ATP7A: variants seen among roughly 807,000 people sequenced by gnomAD.
ATP7A encodes the protein ATPase copper transporting alpha.
A neutral mutation model predicts 83.5 loss-of-function variants in ATP7A; 7 were observed. That is an observed-to-expected ratio of 0.08 (90% CI 0.05 to 0.16). ATP7A has a LOEUF of 0.16. Ranked by LOEUF, ATP7A falls within the 10% of genes least tolerant of loss-of-function variation. The pLI, the probability that ATP7A is intolerant of heterozygous loss-of-function variation, is 1.00. For missense variants in ATP7A, 940 were observed against 1,120.8 expected (o/e 0.84, Z 2.30); for synonymous variants, 354 against 395.2 (o/e 0.90, Z 1.24).
At chrX:78,005,708 A>G (rs1488929008) in intron 6 of ATP7A, among the ~76,000 whole-genome samples, 1 of 102,672 alleles carries the variant, frequency 9.7e-6, no homozygotes, top group Non-Finnish European at 2.0e-5. Context: ...AAAAAAAAAG[A>G]AAAAAAAAGA....
At chrX:77,949,364 T>C (rs2077400994) in intron 1 of ATP7A, among the ~76,000 whole-genome samples, 1 of 111,706 alleles carries the variant, frequency 9.0e-6, no homozygotes, top group Non-Finnish European at 1.9e-5. Flanking sequence ...AGAGTTCTTT[T>C]AGGTTTTTAT....
At chrX:78,033,490 A>G in intron 16 of ATP7A, 115 bp from the exon 17 acceptor site, 3 of 700,302 alleles carry the variant, frequency 4.3e-6, no homozygotes, top group Non-Finnish European at 6.7e-6. Context: ...CAAGTAGGCA[A>G]TATGTGACAA....
intron 1 of ATP7A, among the ~76,000 whole-genome samples, chrX:77,919,595 A>G (rs1212721762): frequency 1.8e-5 from 2 of 112,355 alleles, no homozygotes; most frequent in Admixed American, 9.4e-5. Context: ...GGCTCAAGCA[A>G]TTCTCCTGCC....
intron 14 of ATP7A, among the ~76,000 whole-genome samples, chrX:78,024,380 A>C: frequency 9.0e-6 from 1 of 111,522 alleles, no homozygotes; most frequent in Non-Finnish European, 1.9e-5. Flanking sequence ...TGCTTTGGAC[A>C]GTATGGTAGA....
Position 77,998,663 on chromosome X carries a change from C to A in ATP7A, c.1522C>A (p.Arg508=). The A allele has an allele frequency of 8.3e-7, 1 of 1,211,457 alleles. No homozygotes were observed. The highest frequency in any genetic ancestry group is 1.1e-6 in the Non-Finnish European group (1 of 895,305). The change falls in exon 5 of 23, where the codon CGG becomes AGG. Residue 508 remains arginine, a synonymous_variant. Coordinates refer to ENST00000341514, the MANE Select transcript of ATP7A (RefSeq NM_000052.7). ...CGCTTCCTGTGTAGCAAACATTGAA[C>A]GGAATTTAAGGCGGGAAGAAGGTGA... ...TCASCVANIE[R]NLRREEGIYS...
chrX:77,942,843 CT>C (rs1240146896), intron 1 of ATP7A, among the ~76,000 whole-genome samples: 1 of 111,524 alleles, frequency 9.0e-6, no homozygotes, highest in East Asian at 2.8e-4. Context: ...CAGTCTTGCT[CT>C]GTCACCCAGG....
intron 2 of ATP7A, 82 bp downstream of exon 2, chrX:77,971,843 C>A (rs782435789): frequency 1.3e-4 from 132 of 1,051,709 alleles, no homozygotes; most frequent in Non-Finnish European, 1.7e-4. Flanking sequence ...GAGATAGAAG[C>A]AGACACACTG....
intron 2 of ATP7A, among the ~76,000 whole-genome samples, chrX:77,983,710 T>C (rs781924352): frequency 1.8e-5 from 2 of 111,832 alleles, no homozygotes; most frequent in South Asian, 7.5e-4. Context: ...GGAACTTTTT[T>C]TTTTTTCCGA....
intron 5 of ATP7A, among the ~76,000 whole-genome samples, chrX:78,002,844 A>G (rs1356556520): frequency 9.4e-6 from 1 of 106,891 alleles, no homozygotes; most frequent in African/African-American, 3.5e-5. Flanking sequence ...ACACACACAC[A>G]TAATTGAAAA....
chrX:77,952,724 T>C (rs1166962954), intron 1 of ATP7A, among the ~76,000 whole-genome samples: 3 of 111,546 alleles, frequency 2.7e-5, no homozygotes, highest in Admixed American at 9.6e-5. Context: ...CAAACTTTTA[T>C]TGTTTTCTTG....
intron 14 of ATP7A, 116 bp downstream of exon 14, chrX:78,021,195 G>C: frequency 1.2e-6 from 1 of 818,514 alleles, no homozygotes; most frequent in Non-Finnish European, 1.7e-6. Context: ...GTTTGGAGTG[G>C]GAGAGTGATA....
chrX:78,032,538 A>G (rs1234620721), intron 16 of ATP7A, among the ~76,000 whole-genome samples: 4 of 111,962 alleles, frequency 3.6e-5, no homozygotes, highest in Admixed American at 9.5e-5. Flanking sequence ...TATTTACTTG[A>G]TGGTTTGCTT....
rs1474933295 is a variant in ATP7A at position 78,045,685 on chromosome X, G to A, written c.4226+113G>A. The A allele has an allele frequency of 2.4e-5, 19 of 792,891 alleles. No homozygotes were observed. The Middle Eastern group carries it at 9.9e-4, about 41-fold the overall frequency. The allele number at this position is 792,891 out of a possible 1,213,427, so 65.3% of individuals were successfully genotyped here. ...ATGATAAGCCCAAACCATTCTTAATGAGAATTATTATTAGCGGCCGGGCGT... is the reference window on the plus strand; with the variant it reads ...ATGATAAGCCCAAACCATTCTTAATAAGAATTATTATTAGCGGCCGGGCGT... On this transcript the variant is annotated intron_variant, in intron 22 of 22. Transcript: ENST00000341514.
At chrX:77,961,329 C>T (rs782037538) in intron 1 of ATP7A, among the ~76,000 whole-genome samples, 5 of 111,919 alleles carry the variant, frequency 4.5e-5, no homozygotes, top group Non-Finnish European at 7.5e-5. Flanking sequence ...GTGCTTTGGT[C>T]TGGGACATAC....
intron 10 of ATP7A, among the ~76,000 whole-genome samples, chrX:78,013,417 T>C (rs1173821216): frequency 1.8e-5 from 2 of 111,747 alleles, no homozygotes; most frequent in African/African-American, 3.3e-5. Flanking sequence ...AAAATAATGA[T>C]AGAAAAAATT....
In ATP7A at chrX:78,046,062, A is replaced by G. The variant is rs781841921; in HGVS notation, c.4227-232A>G. Among the ~76,000 whole-genome samples, 8 of 112,452 alleles carry G rather than the reference A, an allele frequency of 7.1e-5. No individual in the cohort carries two copies. In the South Asian group the frequency reaches 2.9e-3, roughly 41 times the overall value. On this transcript the variant is annotated intron_variant, in intron 22 of 22. Transcript: ENST00000341514. Reference sequence around the variant, plus strand: ...TACTTCGTGTACTTTATGCATAGCAACCACAAGCACTGAGTGGGATAAAAT... The same window carrying G: ...TACTTCGTGTACTTTATGCATAGCAGCCACAAGCACTGAGTGGGATAAAAT...
At chrX:77,986,105 T>A (rs1485578168) in intron 2 of ATP7A, among the ~76,000 whole-genome samples, 3 of 111,605 alleles carry the variant, frequency 2.7e-5, no homozygotes, top group Admixed American at 9.6e-5. Flanking sequence ...TATAGTATTA[T>A]CCAAAACCAA....
chrX:77,980,781 G>C (rs551463650), intron 2 of ATP7A, among the ~76,000 whole-genome samples: 2 of 111,426 alleles, frequency 1.8e-5, no homozygotes, highest in Middle Eastern at 9.3e-3. Context: ...TGATTCTCCT[G>C]CCTCAGCCTC....
At chrX:78,002,696 A>G (rs2077748169) in intron 5 of ATP7A, among the ~76,000 whole-genome samples, 1 of 110,138 alleles carries the variant, frequency 9.1e-6, no homozygotes, top group Admixed American at 9.9e-5. Context: ...AGCATAATCC[A>G]GGTAGAGAGC....
Sources: gnomAD v4.1 joint callset for allele counts (sites outside exome capture counted in the v4.1 genomes callset) on GRCh38, gnomAD v4.1.1 for gene constraint, MANE v1.5 for transcripts, NCBI Gene and HGNC (gene_info 2026-07-23, HGNC 2026-07-21) for gene names.